QTMAN: variants seen among roughly 807,000 people sequenced by gnomAD.
QTMAN encodes the protein queuosine-tRNA mannosyltransferase.
At chr2:143,997,575 CT>C in the QTMAN span, among the ~76,000 whole-genome samples, 1 of 152,044 alleles carries the variant, frequency 6.6e-6, no homozygotes. Context: ...TGCTCATTCC[CT>C]TGTGGTAAAG....
the QTMAN span, among the ~76,000 whole-genome samples, chr2:144,302,870 GC>G: frequency 6.6e-6 from 1 of 152,088 alleles, no homozygotes; most frequent in Non-Finnish European, 1.5e-5. Flanking sequence ...GGAGGCCGAG[GC>G]GGGGGGGATC....
the QTMAN span, among the ~76,000 whole-genome samples, chr2:144,072,392 T>A: frequency 6.6e-6 from 1 of 152,186 alleles, no homozygotes; most frequent in Non-Finnish European, 1.5e-5. Context: ...ATTCAAAAGA[T>A]AGGATACATA....
chr2:144,216,561 A>C, the QTMAN span, among the ~76,000 whole-genome samples: 1 of 152,202 alleles, frequency 6.6e-6, no homozygotes, highest in Non-Finnish European at 1.5e-5. Flanking sequence ...GTCTAAACTA[A>C]ATCAAGCAGC....
the QTMAN span, chr2:144,317,725 T>C: frequency 6.6e-6 from 1 of 152,306 alleles, no homozygotes; most frequent in South Asian, 2.1e-4. Flanking sequence ...TCTGACCTGA[T>C]ACAAAACTAG....
the QTMAN span, among the ~76,000 whole-genome samples, chr2:144,132,912 G>A: frequency 6.7e-5 from 10 of 149,748 alleles, no homozygotes; most frequent in Non-Finnish European, 1.5e-4. Flanking sequence ...CTAAGGTGGG[G>A]GGCTGCTATT....
the QTMAN span, among the ~76,000 whole-genome samples, chr2:143,991,960 G>A: frequency 6.6e-6 from 1 of 151,862 alleles, no homozygotes; most frequent in East Asian, 2.0e-4. Context: ...GAGGTGAGGG[G>A]CGCCTCTGCC....
chr2:144,089,223 T>C, the QTMAN span, among the ~76,000 whole-genome samples: 2 of 151,852 alleles, frequency 1.3e-5, no homozygotes, highest in African/African-American at 4.8e-5. Context: ...ATGAACATCA[T>C]CAAGCATCAG....
chr2:143,949,679 A>G, the QTMAN span, among the ~76,000 whole-genome samples: 1 of 151,838 alleles, frequency 6.6e-6, no homozygotes, highest in East Asian at 1.9e-4. Flanking sequence ...CTCACAAAAG[A>G]TCCTCTCCGA....
chr2:144,071,454 T>C, the QTMAN span, among the ~76,000 whole-genome samples: 1 of 152,162 alleles, frequency 6.6e-6, no homozygotes, highest in Non-Finnish European at 1.5e-5. Context: ...TTTTTTAGAT[T>C]GGGCACATGG....
chr2:144,137,414 A>G, the QTMAN span, among the ~76,000 whole-genome samples: 1 of 151,720 alleles, frequency 6.6e-6, no homozygotes, highest in African/African-American at 2.4e-5. Flanking sequence ...TTTTTTCAAA[A>G]TGGTTTATCT....
the QTMAN span, among the ~76,000 whole-genome samples, chr2:144,314,512 A>G: frequency 1.3e-5 from 2 of 152,142 alleles, no homozygotes; most frequent in African/African-American, 4.8e-5. Flanking sequence ...GGAGATCGAG[A>G]CCATCCTGGC....
At chr2:144,224,306 C>T in the QTMAN span, among the ~76,000 whole-genome samples, 1 of 152,116 alleles carries the variant, frequency 6.6e-6, no homozygotes, top group Admixed American at 6.5e-5. Context: ...CAAACCTGTA[C>T]GTGAATGTTT....
the QTMAN span, among the ~76,000 whole-genome samples, chr2:143,983,593 C>T: frequency 6.6e-6 from 1 of 151,716 alleles, no homozygotes; most frequent in Non-Finnish European, 1.5e-5. Flanking sequence ...CTGCCTCAGC[C>T]TCCCTAGTAG....
At chr2:144,177,152 A>G in the QTMAN span, 13 of 702,568 alleles carry the variant, frequency 1.9e-5, no homozygotes, top group Middle Eastern at 4.6e-4. Context: ...ATTGGTGATT[A>G]TAATTCTGCA....
the QTMAN span, among the ~76,000 whole-genome samples, chr2:144,091,151 A>G: frequency 6.6e-6 from 1 of 152,056 alleles, no homozygotes; most frequent in Non-Finnish European, 1.5e-5. Flanking sequence ...GAACAATTGG[A>G]TATCTATATG....
At chr2:144,127,053 T>C in the QTMAN span, among the ~76,000 whole-genome samples, 7 of 152,112 alleles carry the variant, frequency 4.6e-5, no homozygotes, top group Admixed American at 1.3e-4. Flanking sequence ...AACGCTTACC[T>C]GCATATTAAT....
chr2:144,177,865 A>G, the QTMAN span, among the ~76,000 whole-genome samples: 1 of 152,206 alleles, frequency 6.6e-6, no homozygotes, highest in Non-Finnish European at 1.5e-5. Flanking sequence ...TAGAATTTTA[A>G]CATTATCAAC....
the QTMAN span, among the ~76,000 whole-genome samples, chr2:144,112,361 G>A: frequency 6.1e-4 from 93 of 152,276 alleles, no homozygotes; most frequent in African/African-American, 2.2e-3. Context: ...AGACAAGAAG[G>A]CAGATTAGCT....
the QTMAN span, among the ~76,000 whole-genome samples, chr2:144,039,229 C>T: frequency 1.3e-5 from 2 of 152,192 alleles, no homozygotes; most frequent in South Asian, 4.2e-4. Flanking sequence ...CTTGAATATG[C>T]GAACGTGCTT....
Sources: gnomAD v4.1 joint callset for allele counts (sites outside exome capture counted in the v4.1 genomes callset) on GRCh38, gnomAD v4.1.1 for gene constraint, MANE v1.5 for transcripts, NCBI Gene and HGNC (gene_info 2026-07-23, HGNC 2026-07-21) for gene names.